The following SHISA9 variants were observed in gnomAD, a reference collection of about 807,000 sequenced individuals.
SHISA9 encodes protein shisa-9.
A neutral mutation model predicts 38.0 loss-of-function variants in SHISA9; 13 were observed. The ratio of observed to expected loss-of-function variants is 0.34; its 90% CI spans 0.22 to 0.54. The LOEUF is 0.54. SHISA9 is among the 20% of genes least tolerant of loss of function. The pLI is 0.91. For missense variants in SHISA9, 538 were observed against 575.8 expected (o/e 0.93, Z 0.67); for synonymous variants, 275 against 242.0 (o/e 1.14, Z -1.27).
At chr16:13,129,086 T>C (rs2050286130) in intron 2 of SHISA9, among the ~76,000 whole-genome samples, 1 of 152,238 alleles carries the variant, frequency 6.6e-6, no homozygotes, top group Non-Finnish European at 1.5e-5. Flanking sequence ...TCTGAGCATC[T>C]TCTTTATGTC....
chr16:13,205,636 C>T (rs1596730993), intron 3 of SHISA9, among the ~76,000 whole-genome samples: 2 of 152,322 alleles, frequency 1.3e-5, no homozygotes. Context: ...AAAGGACATT[C>T]ATTCAACATA....
At chr16:13,460,652 T>C in the SHISA9 span, among the ~76,000 whole-genome samples, 4 of 152,214 alleles carry the variant, frequency 2.6e-5, no homozygotes, top group African/African-American at 4.8e-5. Context: ...ATGATAGAGC[T>C]TATCAGTTGG....
the SHISA9 span, among the ~76,000 whole-genome samples, chr16:13,407,768 G>C: frequency 6.6e-6 from 1 of 152,080 alleles, no homozygotes; most frequent in Non-Finnish European, 1.5e-5. Flanking sequence ...TGGAGGGGAG[G>C]TTTTCCTCCC....
intron 2 of SHISA9, among the ~76,000 whole-genome samples, chr16:13,030,714 G>C (rs986269943): frequency 1.3e-5 from 2 of 152,246 alleles, no homozygotes; most frequent in East Asian, 3.9e-4. Context: ...AGGCACTAAC[G>C]GGCAGCTCTT....
chr16:13,225,425 A>C (rs2051269507), intron 4 of SHISA9, among the ~76,000 whole-genome samples: 1 of 152,198 alleles, frequency 6.6e-6, no homozygotes, highest in South Asian at 2.1e-4. Flanking sequence ...AAGTAGCTAG[A>C]GTCCACGTCA....
At chr16:13,184,685 C>G (rs6498387) in intron 2 of SHISA9, among the ~76,000 whole-genome samples, 77,504 of 152,008 alleles carry the variant, frequency 0.51, 20,955 homozygotes, top group African/African-American at 0.7. Flanking sequence ...GTCTTTTCCA[C>G]AATGTCTTAT....
At chr16:13,420,555 G>A in the SHISA9 span, among the ~76,000 whole-genome samples, 2 of 152,128 alleles carry the variant, frequency 1.3e-5, no homozygotes, top group Admixed American at 1.3e-4. Context: ...AGTGGGGGAT[G>A]GGGGGTAAGG....
the SHISA9 span, among the ~76,000 whole-genome samples, chr16:13,524,833 G>A: frequency 6.6e-6 from 1 of 152,084 alleles, no homozygotes; most frequent in African/African-American, 2.4e-5. Flanking sequence ...TCCCAAAGTG[G>A]GCAGGATAAT....
At chr16:13,426,814 C>T in the SHISA9 span, among the ~76,000 whole-genome samples, 4 of 152,136 alleles carry the variant, frequency 2.6e-5, no homozygotes, top group Admixed American at 6.5e-5. Flanking sequence ...TTATGAATGG[C>T]GTTGACAGTA....
the SHISA9 span, among the ~76,000 whole-genome samples, chr16:13,509,069 C>A: frequency 6.6e-6 from 1 of 152,154 alleles, no homozygotes; most frequent in Non-Finnish European, 1.5e-5. Context: ...TCCAAATTAG[C>A]TTTCGTGAAT....
intron 2 of SHISA9, among the ~76,000 whole-genome samples, chr16:13,189,155 A>G (rs67006739): frequency 0.15 from 22,708 of 152,178 alleles, 1,973 homozygotes; most frequent in Middle Eastern, 0.23. Context: ...ATATATTTCC[A>G]TTGTTTAAGC....
At chr16:13,381,714 A>C in the SHISA9 span, among the ~76,000 whole-genome samples, 2 of 152,224 alleles carry the variant, frequency 1.3e-5, no homozygotes, top group Admixed American at 1.3e-4. Flanking sequence ...AGTCATATGA[A>C]TATATTATCT....
the SHISA9 span, among the ~76,000 whole-genome samples, chr16:13,465,075 T>G: frequency 1.3e-5 from 2 of 152,268 alleles, no homozygotes; most frequent in Admixed American, 6.5e-5. Flanking sequence ...TACCTCAGTC[T>G]TATTAACATT....
the SHISA9 span, among the ~76,000 whole-genome samples, chr16:13,425,230 A>G: frequency 6.6e-6 from 1 of 152,188 alleles, no homozygotes; most frequent in South Asian, 2.1e-4. Context: ...GCGGTGGCTC[A>G]CACCTGTAAT....
chr16:13,236,320 T>C lies in SHISA9; in HGVS notation c.*911T>C, dbSNP rs1261457644. 3 of 136,260 alleles carry C rather than the reference T, an allele frequency of 2.2e-5. No homozygotes were observed. Among genetic ancestry groups the C allele is most frequent in the African/African-American group, 5.4e-5 (2 of 36,770 alleles). 8.4% of individuals were successfully genotyped at this position (136,260 alleles called of 1,614,324 possible). On this transcript the variant is annotated 3_prime_UTR_variant, in exon 5 of 5. Transcript: ENST00000558583. ...TTAGGTGTTTTTTTTTTTTCAAAAATCTTGAAGACTTGTTGACATTAACAA... is the reference window on the plus strand; with the variant it reads ...TTAGGTGTTTTTTTTTTTTCAAAAACCTTGAAGACTTGTTGACATTAACAA...
chr16:12,959,287 A>G (rs2071877089), intron 2 of SHISA9, among the ~76,000 whole-genome samples: 1 of 152,258 alleles, frequency 6.6e-6, no homozygotes, highest in South Asian at 2.1e-4. Context: ...CAGCCTCTGC[A>G]GGGTGCTGGT....
chr16:13,512,989 G>A, the SHISA9 span, among the ~76,000 whole-genome samples: 55 of 152,138 alleles, frequency 3.6e-4, no homozygotes, highest in African/African-American at 6.7e-4. Context: ...CAATTGCAAC[G>A]GAAGCCAAAA....
chr16:13,532,919 C>T, the SHISA9 span, among the ~76,000 whole-genome samples: 4 of 152,136 alleles, frequency 2.6e-5, no homozygotes, highest in Non-Finnish European at 4.4e-5. Context: ...CCAATCCCCT[C>T]GCTTCTCAGG....
chr16:13,255,138 C>T, the SHISA9 span, among the ~76,000 whole-genome samples: 1 of 151,976 alleles, frequency 6.6e-6, no homozygotes, highest in South Asian at 2.1e-4. Context: ...TGCTTTCTCA[C>T]ACTTCCTCTT....
Sources: gnomAD v4.1 joint callset for allele counts (sites outside exome capture counted in the v4.1 genomes callset) on GRCh38, gnomAD v4.1.1 for gene constraint, MANE v1.5 for transcripts, NCBI Gene and HGNC (gene_info 2026-07-23, HGNC 2026-07-21) for gene names.